B3GALT1: variants seen among roughly 807,000 people sequenced by gnomAD.
B3GALT1 encodes the protein beta-1,3-galactosyltransferase 1, also known as UDP-Gal:betaGlcNAc beta 1,3-galactosyltransferase, polypeptide 1.
In B3GALT1, 10 loss-of-function variants were observed where a neutral mutation model predicts 23.2. That is an observed-to-expected ratio of 0.43 (90% CI 0.27 to 0.73). The LOEUF (loss-of-function observed/expected upper bound fraction) is 0.73. Among genes scored for constraint, B3GALT1 ranks in the 30% least tolerant of loss-of-function variants. The probability of loss-of-function intolerance (pLI) is 0.21; values close to 1 mark genes in which losing one functional copy is unlikely to be tolerated. For missense variants in B3GALT1, 299 were observed against 405.4 expected (o/e 0.74, Z 2.25); for synonymous variants, 156 against 141.5 (o/e 1.10, Z -0.73).
At chr2:167,622,579 C>T (rs1354331507) in intron 2 of B3GALT1, among the ~76,000 whole-genome samples, 1 of 152,080 alleles carries the variant, frequency 6.6e-6, no homozygotes, top group Non-Finnish European at 1.5e-5. Flanking sequence ...AACTTGGAGT[C>T]ATAAGCATCT....
At chr2:167,812,153 C>T (rs1688901358) in intron 3 of B3GALT1, among the ~76,000 whole-genome samples, 1 of 152,172 alleles carries the variant, frequency 6.6e-6, no homozygotes, top group African/African-American at 2.4e-5. Flanking sequence ...TGCAGAGAGC[C>T]TGTGTTAAAA....
intron 2 of B3GALT1, among the ~76,000 whole-genome samples, chr2:167,564,215 A>G (rs1259678558): frequency 2.2e-4 from 29 of 133,104 alleles, no homozygotes; most frequent in Non-Finnish European, 4.2e-4. Flanking sequence ...CGCTCCTCAC[A>G]TCCCGGACGG....
intron 3 of B3GALT1, among the ~76,000 whole-genome samples, chr2:167,778,572 C>A (rs1040011363): frequency 2.6e-5 from 4 of 152,160 alleles, no homozygotes; most frequent in African/African-American, 9.7e-5. Context: ...CTGCAGACTT[C>A]TTTCATCAGC....
At chr2:167,454,237 A>G (rs534908621) in intron 1 of B3GALT1, among the ~76,000 whole-genome samples, 5 of 151,512 alleles carry the variant, frequency 3.3e-5, no homozygotes, top group Non-Finnish European at 2.9e-5. Flanking sequence ...ACGTGTGTGC[A>G]TGTATGTGTG....
At chr2:167,403,445 C>T (rs1698226351) in intron 1 of B3GALT1, among the ~76,000 whole-genome samples, 1 of 151,544 alleles carries the variant, frequency 6.6e-6, no homozygotes, top group African/African-American at 2.4e-5. Context: ...GGATTGGTTC[C>T]AAGTCTTTGC....
At position 167,388,767 on chromosome 2, in the gene B3GALT1, T is replaced by A. The variant is rs1462061622; in HGVS notation, c.-511+95433T>A. Among the ~76,000 whole-genome samples, 8 of 152,300 alleles carry A rather than the reference T, an allele frequency of 5.3e-5. No homozygotes were observed. In the East Asian group the frequency reaches 1.5e-3, roughly 29 times the overall value. On this transcript the variant is annotated intron_variant, in intron 1 of 4. Coordinates refer to ENST00000392690, the MANE Select transcript of B3GALT1 (RefSeq NM_020981.4). ...ATGAATAGGCAATAGAAGGATTTGT[T>A]TAAAACTCAGCAGGTGATTCAGTGT... is the stretch of plus-strand genomic sequence containing the variant.
intron 1 of B3GALT1, among the ~76,000 whole-genome samples, chr2:167,296,243 G>A (rs1160864994): frequency 2.0e-5 from 3 of 152,158 alleles, no homozygotes; most frequent in Non-Finnish European, 4.4e-5. Context: ...ACATCAATAT[G>A]AATAGCAATG....
chr2:167,580,074 T>C (rs1322785861), intron 2 of B3GALT1, among the ~76,000 whole-genome samples: 2 of 152,142 alleles, frequency 1.3e-5, no homozygotes, highest in African/African-American at 4.8e-5. Context: ...TTGGATAAAA[T>C]AATGATATTT....
intron 4 of B3GALT1, among the ~76,000 whole-genome samples, chr2:167,835,069 G>A (rs922519027): frequency 3.3e-5 from 5 of 152,184 alleles, no homozygotes; most frequent in Admixed American, 1.3e-4. Context: ...GGCCAAATAG[G>A]AACAGCTCCG....
intron 3 of B3GALT1, among the ~76,000 whole-genome samples, chr2:167,775,964 C>T (rs1688155294): frequency 6.6e-6 from 1 of 151,502 alleles, no homozygotes; most frequent in Admixed American, 6.6e-5. Flanking sequence ...AAATACACCA[C>T]AGTACCCCAA....
chr2:167,668,491 C>T (rs894921401), intron 3 of B3GALT1, among the ~76,000 whole-genome samples: 1 of 152,172 alleles, frequency 6.6e-6, no homozygotes, highest in African/African-American at 2.4e-5. Context: ...GTTCGAGCTT[C>T]CCGGCTGCTT....
chr2:167,313,762 C>T (rs1409126551), intron 1 of B3GALT1, among the ~76,000 whole-genome samples: 1 of 152,150 alleles, frequency 6.6e-6, no homozygotes, highest in Non-Finnish European at 1.5e-5. Flanking sequence ...CTGACAGATG[C>T]ACAACAAGCT....
At chr2:167,779,619 A>C (rs999442798) in intron 3 of B3GALT1, among the ~76,000 whole-genome samples, 1 of 152,230 alleles carries the variant, frequency 6.6e-6, no homozygotes, top group African/African-American at 2.4e-5. Flanking sequence ...ATCAAGATGC[A>C]TGCTCTGACG....
chr2:167,612,584 G>A (rs1685086661), intron 2 of B3GALT1, among the ~76,000 whole-genome samples: 1 of 151,674 alleles, frequency 6.6e-6, no homozygotes, highest in Non-Finnish European at 1.5e-5. Context: ...TTTGTGTCTT[G>A]AAATCTGATA....
chr2:167,549,244 G>C (rs950228127), intron 2 of B3GALT1, among the ~76,000 whole-genome samples: 48 of 152,180 alleles, frequency 3.2e-4, no homozygotes, highest in African/African-American at 1.1e-3. Flanking sequence ...ACTTAGGCAG[G>C]TGTTAGTATC....
At chr2:167,647,027 G>A (rs1352995792) in intron 3 of B3GALT1, among the ~76,000 whole-genome samples, 61 bp downstream of exon 3, 2 of 152,066 alleles carry the variant, frequency 1.3e-5, no homozygotes, top group African/African-American at 4.8e-5. Flanking sequence ...TTGATCCTCA[G>A]TGGTCTCATC....
intron 1 of B3GALT1, among the ~76,000 whole-genome samples, chr2:167,364,057 G>T (rs747568798): frequency 1.3e-5 from 2 of 150,982 alleles, no homozygotes; most frequent in African/African-American, 2.4e-5. Context: ...CCAGTTACTC[G>T]GGAGGATGAG....
At chr2:167,780,800 G>A (rs1688233687) in intron 3 of B3GALT1, among the ~76,000 whole-genome samples, 1 of 152,146 alleles carries the variant, frequency 6.6e-6, no homozygotes, top group Non-Finnish European at 1.5e-5. Flanking sequence ...TATCTGACAG[G>A]CAGCATGAAT....
intron 1 of B3GALT1, among the ~76,000 whole-genome samples, chr2:167,417,100 A>AG (rs1698484121): frequency 6.6e-6 from 1 of 152,112 alleles, no homozygotes; most frequent in African/African-American, 2.4e-5. Context: ...TTGGGAGGCC[A>AG]GGGGTGGGAT....
Sources: allele counts gnomAD v4.1 joint callset (sites outside exome capture counted in the v4.1 genomes callset), GRCh38; gene constraint gnomAD v4.1.1; transcripts MANE v1.5; gene names NCBI Gene and HGNC (gene_info 2026-07-23, HGNC 2026-07-21).